The following ITPR2 variants were observed in gnomAD, a reference collection of about 807,000 sequenced individuals.
ITPR2 encodes the protein inositol 1,4,5-trisphosphate receptor type 2, also known as inositol 1,4,5-trisphosphate-gated calcium channel ITPR2.
In ITPR2, 207 loss-of-function variants were observed where a neutral mutation model predicts 317.1. The ratio of observed to expected loss-of-function variants is 0.65; its 90% confidence interval spans 0.58 to 0.73. The LOEUF is 0.73. Ranked by LOEUF, ITPR2 falls within the 30% of genes least tolerant of loss-of-function variation. ITPR2 has a pLI of 0.00. For missense variants in ITPR2, 2,613 were observed against 3,284.0 expected (o/e 0.80, Z 4.99); for synonymous variants, 1,156 against 1,149.1 (o/e 1.01, Z -0.12).
At chr12:26,717,302 T>TA (rs1233509007) in intron 5 of ITPR2, among the ~76,000 whole-genome samples, 1 of 152,188 alleles carries the variant, frequency 6.6e-6, no homozygotes, top group Admixed American at 6.5e-5. Context: ...GCCCAAACTT[T>TA]AAAAAACATA....
intron 45 of ITPR2, among the ~76,000 whole-genome samples, chr12:26,463,907 C>T (rs1009602869): frequency 6.6e-6 from 1 of 152,148 alleles, no homozygotes; most frequent in Admixed American, 6.5e-5. Flanking sequence ...GCTGCTCTCA[C>T]ACACGCACAG....
intron 1 of ITPR2, among the ~76,000 whole-genome samples, chr12:26,798,611 A>G (rs1360904779): frequency 6.6e-6 from 1 of 152,238 alleles, no homozygotes; most frequent in Non-Finnish European, 1.5e-5. Context: ...AACTTAGCCA[A>G]CACTCAAGTT....
At position 26,657,729 on chromosome 12, in the gene ITPR2, A is replaced by G; in HGVS notation, c.2170T>C (p.Leu724=). ...QEAKEGTKAD[L]EVLTYYRYQL... ...AACCTGTAATAGGTAAGAACTTCTA[A>G]GTCAGCTTTGGTGCCTTCTTTTGCC... Residue 724 remains leucine, a synonymous_variant, in exon 18 of 57, where the codon TTA becomes CTA. Coordinates refer to ENST00000381340, the MANE Select transcript of ITPR2 (RefSeq NM_002223.4). 1 of 1,614,130 alleles carries G rather than the reference A, an allele frequency of 6.2e-7. No individual in the cohort carries two copies. Among genetic ancestry groups the G allele is most frequent in the Non-Finnish European group, 8.5e-7 (1 of 1,180,006 alleles).
intron 37 of ITPR2, among the ~76,000 whole-genome samples, chr12:26,527,559 C>T (rs17396348): frequency 0.15 from 23,259 of 152,106 alleles, 2,405 homozygotes; most frequent in Non-Finnish European, 0.23. Flanking sequence ...TTGACTGAAA[C>T]GTATCTACAT....
intron 42 of ITPR2, among the ~76,000 whole-genome samples, chr12:26,482,580 T>C (rs901419178): frequency 6.6e-6 from 1 of 152,228 alleles, no homozygotes; most frequent in South Asian, 2.1e-4. Flanking sequence ...TTAGGTTTTC[T>C]TGTATCATTG....
chr12:26,808,058 C>T (rs1245290611), intron 1 of ITPR2, among the ~76,000 whole-genome samples: 1 of 152,210 alleles, frequency 6.6e-6, no homozygotes, highest in Non-Finnish European at 1.5e-5. Context: ...ATATGCCACA[C>T]AGGTTCTACT....
chr12:26,611,821 T>C (rs1412867843), intron 26 of ITPR2, among the ~76,000 whole-genome samples: 1 of 152,184 alleles, frequency 6.6e-6, no homozygotes, highest in Non-Finnish European at 1.5e-5. Flanking sequence ...CCTGAGTTAA[T>C]CTCTCCTTCC....
Position 26,658,018 on chromosome 12 carries a change from G to C in ITPR2, c.1999C>G (p.Gln667Glu). The C allele has an allele frequency of 6.2e-7, 1 of 1,610,652 alleles. No individual in the cohort carries two copies. Among genetic ancestry groups the C allele is most frequent in the Non-Finnish European group, 8.5e-7 (1 of 1,178,936 alleles). Residue 667 changes from glutamine to glutamate, a missense_variant, in exon 17 of 57, where the codon CAA becomes GAA. Gln to Glu is a conservative substitution (Grantham distance 29). Around this residue, in one of 9 missense-constraint regions of ITPR2, gnomAD observed 817 missense variants for 897.6 expected, o/e 0.91. Transcript: ENST00000381340. ...LSPGNADILI[Q>E]TKVVSMQADN... ...TCCATTATCTGGGCTTACTTAGTTT[G>C]AATGAGAATGTCTGCATTGCCTGGA... is the stretch of plus-strand genomic sequence containing the variant.
intron 47 of ITPR2, among the ~76,000 whole-genome samples, chr12:26,436,702 T>C (rs1414858634): frequency 6.6e-6 from 1 of 152,200 alleles, no homozygotes; most frequent in East Asian, 1.9e-4. Flanking sequence ...TGAAATGATA[T>C]ACTTCATTGT....
chr12:26,701,983 G>A (rs1399697574), intron 9 of ITPR2, among the ~76,000 whole-genome samples: 1 of 152,192 alleles, frequency 6.6e-6, no homozygotes, highest in African/African-American at 2.4e-5. Flanking sequence ...GAAAGCATCA[G>A]ATCATAAACT....
At chr12:26,486,917 AC>A in intron 40 of ITPR2, 150 bp downstream of exon 40, 1 of 805,196 alleles carries the variant, frequency 1.2e-6, no homozygotes, top group East Asian at 2.6e-5. Context: ...TTTTAGGGTC[AC>A]CCCATGACCA....
chr12:26,765,863 C>A (rs1177006898), intron 2 of ITPR2, among the ~76,000 whole-genome samples: 2 of 152,158 alleles, frequency 1.3e-5, no homozygotes, highest in Non-Finnish European at 2.9e-5. Flanking sequence ...TTTGCCTATT[C>A]TTGACATTCC....
At chr12:26,605,248 TCAGAGTATAAAA>T (rs1289797860) in intron 26 of ITPR2, among the ~76,000 whole-genome samples, 1 of 151,412 alleles carries the variant, frequency 6.6e-6, no homozygotes, top group Non-Finnish European at 1.5e-5. Context: ...AGGCTAGAGG[TCAGAGTATAAAA>T]CAGATTTTCC....
chr12:26,769,714 C>T lies in ITPR2; in HGVS notation c.163+20443G>A, dbSNP rs376244946. On this transcript the variant is annotated intron_variant, in intron 2 of 56. Transcript: ENST00000381340. ...AATACCCTCCTTCTCAGTGGAGACACTTTATACTAGAGAATAGGTAAAAAG... is the reference window on the plus strand; with the variant it reads ...AATACCCTCCTTCTCAGTGGAGACATTTTATACTAGAGAATAGGTAAAAAG... Among the ~76,000 whole-genome samples the T allele has an allele frequency of 8.9e-4, 136 of 152,194 alleles. 1 individual carries two copies. The highest frequency in any genetic ancestry group is 2.7e-3 in the African/African-American group (114 of 41,520).
chr12:26,649,924 T>G (rs1042526173), intron 21 of ITPR2, among the ~76,000 whole-genome samples: 8 of 152,178 alleles, frequency 5.3e-5, no homozygotes, highest in Non-Finnish European at 8.8e-5. Context: ...AGGAGAAATT[T>G]TGCCCATTTA....
intron 54 of ITPR2, among the ~76,000 whole-genome samples, chr12:26,391,555 C>CTTTTTT (rs1491173931): frequency 0.044 from 3,138 of 70,806 alleles, 501 homozygotes; most frequent in Middle Eastern, 0.085. Flanking sequence ...TTCTTCTTTT[C>CTTTTTT]CTTTTTTTTT....
At chr12:26,468,568 G>GA (rs5797177) in intron 45 of ITPR2, among the ~76,000 whole-genome samples, 93,444 of 139,800 alleles carry the variant, frequency 0.67, 30,778 homozygotes, top group South Asian at 0.71. Flanking sequence ...TATAGAAACA[G>GA]AAAAAAAAAA....
intron 47 of ITPR2, among the ~76,000 whole-genome samples, chr12:26,437,953 C>T (rs1941397065): frequency 6.6e-6 from 1 of 152,040 alleles, no homozygotes; most frequent in African/African-American, 2.4e-5. Context: ...AGGTGCCTGC[C>T]ACCACGCCCG....
Position 26,772,032 on chromosome 12 carries a change from C to T in ITPR2, c.163+18125G>A, listed in dbSNP as rs1949853209. On this transcript the variant is annotated intron_variant, in intron 2 of 56. Transcript: ENST00000381340. ...TGGTACTCTTGTCACATTTAGTTGT[C>T]ATTGATTTACCGTGTAACAGCTGCA... Among the ~76,000 whole-genome samples, 3 of 152,000 alleles carry T rather than the reference C, an allele frequency of 2.0e-5. No individual in the cohort carries two copies. The South Asian group carries it at 6.2e-4, about 32-fold the overall frequency.
Sources: gnomAD v4.1 joint callset for allele counts (sites outside exome capture counted in the v4.1 genomes callset) on GRCh38, gnomAD v4.1.1 for gene constraint, gnomAD v4.1.1 regional missense constraint, MANE v1.5 for transcripts, NCBI Gene and HGNC (gene_info 2026-07-23, HGNC 2026-07-21) for gene names.